Variants in MAD1L1 observed in about 807,000 individuals in gnomAD.
The protein encoded by MAD1L1 is mitotic arrest deficient 1 like 1.
Under a neutral mutation model 96.9 loss-of-function variants are expected in MAD1L1, and 95 were observed. The observed-to-expected ratio is 0.98, with a 90% CI of 0.83 to 1.16. The LOEUF (loss-of-function observed/expected upper bound fraction) is 1.16, where lower values mean the gene tolerates loss of function less well. Among genes scored for constraint, MAD1L1 ranks in the 50% most tolerant of loss-of-function variants. The probability of loss-of-function intolerance (pLI) is 0.00; values close to 1 mark genes in which losing one functional copy is unlikely to be tolerated. For missense variants in MAD1L1, 1,007 were observed against 954.4 expected (o/e 1.06, Z -0.73); for synonymous variants, 473 against 396.6 (o/e 1.19, Z -2.29).
chr7:2,033,880 G>A (rs369678892), intron 12 of MAD1L1, among the ~76,000 whole-genome samples: 38 of 152,346 alleles, frequency 2.5e-4, no homozygotes, highest in African/African-American at 8.9e-4. Flanking sequence ...CGAGGCAGGA[G>A]AATCACCTGA....
intron 11 of MAD1L1, among the ~76,000 whole-genome samples, chr7:2,108,044 C>T (rs1787187145): frequency 6.6e-6 from 1 of 151,666 alleles, no homozygotes; most frequent in African/African-American, 2.4e-5. Context: ...TCGGAAAACA[C>T]CTGTTTTAAA....
chr7:1,995,271 C>A (rs1469061394), intron 14 of MAD1L1, among the ~76,000 whole-genome samples: 2 of 152,200 alleles, frequency 1.3e-5, no homozygotes, highest in African/African-American at 4.8e-5. Flanking sequence ...GAAACCTGAG[C>A]TGGTGAACGG....
intron 18 of MAD1L1, among the ~76,000 whole-genome samples, chr7:1,879,303 A>T (rs1248550231): frequency 2.0e-5 from 3 of 152,032 alleles, no homozygotes; most frequent in African/African-American, 7.2e-5. Flanking sequence ...TAAAAATAAA[A>T]ACTTAGCCGG....
rs1781170562 is a variant in MAD1L1, at chr7:1,986,767, CA to C, written c.1417-6227del. On this transcript the variant is annotated intron_variant, in intron 14 of 18. Coordinates refer to ENST00000265854, the MANE Select transcript of MAD1L1 (RefSeq NM_001013836.2). Reference sequence around the variant, plus strand: ...TTATTTGTAGATGATTTCCAGGAAACAAGGGGGAAATGCTGACGTGTGCCAC... The same window carrying C: ...TTATTTGTAGATGATTTCCAGGAAACAGGGGGAAATGCTGACGTGTGCCAC... Among the ~76,000 whole-genome samples the C allele has an allele frequency of 2.0e-5, 3 of 152,282 alleles. No individual in the cohort carries two copies. In the South Asian group the frequency reaches 6.2e-4, roughly 32 times the overall value.
Position 2,119,744 on chromosome 7 carries a change from C to T in MAD1L1, c.1073+29408G>A, listed in dbSNP as rs1384916112. ...CCTGCCAGTCCAGCAGGGGACCCCT[C>T]AGCACAGTCCTGGCTGCACCCATAC... On this transcript the variant is annotated intron_variant, in intron 11 of 18. Coordinates refer to ENST00000265854, the MANE Select transcript of MAD1L1 (RefSeq NM_001013836.2). This position sits in a 1 kb window ranked among gnomAD's most constrained non-coding sequence, Gnocchi z 4.6. Among the ~76,000 whole-genome samples, 1 of 152,184 alleles carries T rather than the reference C, an allele frequency of 6.6e-6. No individual in the cohort carries two copies. The highest frequency in any genetic ancestry group is 2.4e-5 in the African/African-American group (1 of 41,428).
chr7:1,932,840 T>TG (rs1264692029), intron 17 of MAD1L1, among the ~76,000 whole-genome samples: 1 of 152,270 alleles, frequency 6.6e-6, no homozygotes, highest in East Asian at 1.9e-4. Flanking sequence ...GACAGTGGGC[T>TG]GTACCTCTAA....
chr7:1,983,142 GCGCGCGCGCGCGCACA>G (rs1409630495), intron 14 of MAD1L1, among the ~76,000 whole-genome samples: 43 of 96,772 alleles, frequency 4.4e-4, no homozygotes, highest in Middle Eastern at 7.0e-3. Flanking sequence ...ACGCGCGCGC[GCGCGCGCGCGCGCACA>G]CACACACACA....
At chr7:2,127,029 G>C (rs530755036) in intron 11 of MAD1L1, among the ~76,000 whole-genome samples, 2 of 152,222 alleles carry the variant, frequency 1.3e-5, no homozygotes, top group African/African-American at 2.4e-5. Flanking sequence ...CCGAGGCCTC[G>C]TTCCCAGGGA....
intron 18 of MAD1L1, among the ~76,000 whole-genome samples, chr7:1,871,704 C>T (rs1317573146): frequency 2.7e-5 from 4 of 148,316 alleles, no homozygotes; most frequent in African/African-American, 7.5e-5. Context: ...ACACCTGCCA[C>T]GCTGAAGCCA....
intron 18 of MAD1L1, among the ~76,000 whole-genome samples, chr7:1,817,915 G>GC (rs1258423432): frequency 6.6e-6 from 1 of 151,824 alleles, no homozygotes; most frequent in African/African-American, 2.4e-5. Flanking sequence ...AGCACGTGCT[G>GC]CCCCAGAGGC....
intron 17 of MAD1L1, among the ~76,000 whole-genome samples, chr7:1,935,846 G>C (rs564673005): frequency 6.6e-6 from 1 of 152,246 alleles, no homozygotes; most frequent in African/African-American, 2.4e-5. Flanking sequence ...ACCCCCAAGG[G>C]AGGGGGCTGG....
rs980242265 is a variant in MAD1L1, at chr7:1,976,617, G to C, written c.1505+3836C>G. ...ACAGCGTGGAAGGGGACCCCAGCGG[G>C]TTGCCGCTGCTAGCTCTGGCAGCCT... is the stretch of plus-strand genomic sequence containing the variant. On this transcript the variant is annotated intron_variant, in intron 15 of 18. Coordinates refer to ENST00000265854, the MANE Select transcript of MAD1L1 (RefSeq NM_001013836.2). Among the ~76,000 whole-genome samples, 6 of 152,218 alleles carry C rather than the reference G, an allele frequency of 3.9e-5. No homozygotes were observed. The East Asian group carries it at 1.2e-3, about 29-fold the overall frequency.
Position 1,936,873 on chromosome 7 carries a change from T to G in MAD1L1, c.1621A>C (p.Lys541Gln). Residue 541 changes from lysine to glutamine, a missense_variant, in exon 17 of 19, where the codon AAA (lysine) becomes CAA (glutamine). Coordinates refer to ENST00000265854, the MANE Select transcript of MAD1L1 (RefSeq NM_001013836.2). Reference sequence around the variant, plus strand: ...GGGTTCAGGCTCATGTGCAGCACTTTGGTCCTGCTCTGGTCATAGTCACCC... The same window carrying G: ...GGGTTCAGGCTCATGTGCAGCACTTGGGTCCTGCTCTGGTCATAGTCACCC... ...LQGDYDQSRT[K>Q]VLHMSLNPTS... The G allele has an allele frequency of 1.2e-6, 2 of 1,604,238 alleles. No homozygotes were observed. The highest frequency in any genetic ancestry group is 1.7e-6 in the Non-Finnish European group (2 of 1,175,426).
chr7:2,149,830 C>G (rs952312150), intron 10 of MAD1L1, among the ~76,000 whole-genome samples: 1 of 152,212 alleles, frequency 6.6e-6, no homozygotes, highest in Admixed American at 6.5e-5. Context: ...TGAGCTCGGC[C>G]CGAGCCACAT....
intron 2 of MAD1L1, 154 bp from the exon 3 acceptor site, chr7:2,230,297 G>A (rs1794128994): frequency 3.6e-6 from 2 of 554,686 alleles, no homozygotes; most frequent in Non-Finnish European, 6.3e-6. Flanking sequence ...AATGGCAACT[G>A]GGAGCCATGC....
At position 1,936,678 on chromosome 7, in the gene MAD1L1, G is replaced by A; in HGVS notation, c.1807+9C>T. The A allele has an allele frequency of 1.3e-6, 2 of 1,547,334 alleles. No individual in the cohort carries two copies. Among genetic ancestry groups the A allele is most frequent in the Non-Finnish European group, 1.7e-6 (2 of 1,147,282 alleles). On this transcript the variant is annotated intron_variant, in intron 17 of 18. Coordinates refer to ENST00000265854, the MANE Select transcript of MAD1L1 (RefSeq NM_001013836.2). ...AGGATGGCAGGGACCGGGGGTGGGG[G>A]GTGCCTACCTGCCACCTCCTTGGAC... is the stretch of plus-strand genomic sequence containing the variant.
chr7:2,048,196 C>A (rs1457323721), intron 12 of MAD1L1, among the ~76,000 whole-genome samples: 1 of 152,260 alleles, frequency 6.6e-6, no homozygotes, highest in Non-Finnish European at 1.5e-5. Context: ...CATGTGCACA[C>A]TGACGCACAC....
chr7:1,960,713 A>G (rs1031074817), intron 15 of MAD1L1, among the ~76,000 whole-genome samples: 4 of 152,238 alleles, frequency 2.6e-5, no homozygotes, highest in Non-Finnish European at 5.9e-5. Context: ...CTGAGACTTC[A>G]GTATCCCTCT....
chr7:2,010,503 C>T (rs1782247781), intron 13 of MAD1L1, among the ~76,000 whole-genome samples: 1 of 152,218 alleles, frequency 6.6e-6, no homozygotes, highest in Non-Finnish European at 1.5e-5. Flanking sequence ...GTATTTATAG[C>T]TCTATCCACA....
Sources: gnomAD v4.1 joint callset for allele counts (sites outside exome capture counted in the v4.1 genomes callset) on GRCh38, gnomAD v4.1.1 for gene constraint, Gnocchi (gnomAD v3.1) non-coding constraint, MANE v1.5 for transcripts, NCBI Gene and HGNC (gene_info 2026-07-23, HGNC 2026-07-21) for gene names.